The following STAT3 variants were observed in gnomAD, a reference collection of about 807,000 sequenced individuals.
The protein encoded by STAT3 is DNA-binding protein APRF.
Under a neutral mutation model 114.3 loss-of-function variants are expected in STAT3, and 7 were observed. The observed-to-expected ratio is 0.06, with a 90% CI of 0.03 to 0.11. The LOEUF is 0.11. Among genes scored for constraint, STAT3 ranks in the 10% least tolerant of loss-of-function variants. The probability of loss-of-function intolerance (pLI) is 1.00; values close to 1 mark genes in which losing one functional copy is unlikely to be tolerated. For missense variants in STAT3, 364 were observed against 960.9 expected, an observed-to-expected ratio of 0.38 and a Z score of 8.21; for synonymous variants, 331 against 354.5, an observed-to-expected ratio of 0.93 and a Z score of 0.74.
intron 22 of STAT3, 43 bp from the exon 23 acceptor site, chr17:42,316,944 A>G (rs757754586): frequency 1.9e-6 from 3 of 1,596,040 alleles, no homozygotes; most frequent in South Asian, 2.2e-5. Flanking sequence ...CGGGGGGTTG[A>G]CAAGACACAA....
Position 42,316,826 on chromosome 17 carries a change from A to G in STAT3, c.2220T>C (p.Asn740=), listed in dbSNP as rs747460012. The change falls in exon 23 of 24, where the codon AAT becomes AAC. Residue 740 remains asparagine (N), a synonymous_variant. Coordinates refer to ENST00000264657, the MANE Select transcript of STAT3 (RefSeq NM_139276.3). Reference sequence around the variant, plus strand: ...CTGCTGAGGGTTCAGCACCTTCACCATTATTTCCAAACTGCATCAATGAAT... The same window carrying G: ...CTGCTGAGGGTTCAGCACCTTCACCGTTATTTCCAAACTGCATCAATGAAT... ...TLDSLMQFGN[N]GEGAEPSAGG... The G allele has an allele frequency of 6.2e-7, 1 of 1,613,650 alleles. No homozygotes were observed. Among genetic ancestry groups the G allele is most frequent in the Admixed American group, 1.7e-5 (1 of 59,984 alleles).
Position 42,338,762 on chromosome 17 carries a change from A to AC in STAT3, c.518_519insG (p.Asp173GlufsTer5). 1 of 1,613,940 alleles carries AC rather than the reference A, an allele frequency of 6.2e-7. No homozygotes were observed. Among genetic ancestry groups the AC allele is most frequent in the Non-Finnish European group, 8.5e-7 (1 of 1,179,966 alleles). The stretch of plus-strand genomic sequence containing the variant: ...GACTCTTGAGGGTTTTATAGTTGAA[A>AC]TCAAAGTCATCCTGGAGATTCTCTA... On this transcript the variant is annotated frameshift_variant, in exon 6 of 24. Coordinates refer to ENST00000264657, the MANE Select transcript of STAT3 (RefSeq NM_139276.3). LOFTEE classifies it high-confidence loss of function.
intron 10 of STAT3, 83 bp from the exon 11 acceptor site, chr17:42,331,614 T>C: frequency 8.5e-7 from 1 of 1,181,182 alleles, no homozygotes; most frequent in East Asian, 2.4e-5. Context: ...AATTCATAAT[T>C]CTTCATTTCC....
rs1488840508 is a variant in STAT3, at chr17:42,314,601, G to GT, written c.*1143dup. 2 of 231,844 alleles carry GT rather than the reference G, an allele frequency of 8.6e-6. No individual in the cohort carries two copies. Among genetic ancestry groups the GT allele is most frequent in the African/African-American group, 4.4e-5 (2 of 45,204 alleles). 14.4% of individuals were successfully genotyped at this position (231,844 alleles called of 1,614,324 possible). On this transcript the variant is annotated 3_prime_UTR_variant, in exon 24 of 24. Transcript: ENST00000264657. ...TCCAGGGAGAAAGGGAGTCAAGGTT[G>GT]TAAGCACCCTCTGCCCAGCCTTACT...
chr17:42,346,863 G>T (rs61523152), intron 2 of STAT3, 150 bp from the exon 3 acceptor site: 1 of 1,075,246 alleles, frequency 9.3e-7, no homozygotes, highest in Non-Finnish European at 1.4e-6. Flanking sequence ...TTCTTGCTCA[G>T]CAATAAAATG....
chr17:42,380,797 CAGCT>C (rs1409026266), intron 1 of STAT3, among the ~76,000 whole-genome samples: 2 of 152,166 alleles, frequency 1.3e-5, no homozygotes, highest in African/African-American at 2.4e-5. Context: ...CCTGTAGCCC[CAGCT>C]ACCCCGAAGG....
chr17:42,353,734 A>C (rs1294816358), intron 1 of STAT3, among the ~76,000 whole-genome samples: 1 of 152,124 alleles, frequency 6.6e-6, no homozygotes, highest in East Asian at 1.9e-4. Flanking sequence ...CACAATGTTC[A>C]GCTAATTTTT....
chr17:42,366,524 A>T (rs2083799301), intron 1 of STAT3, among the ~76,000 whole-genome samples: 1 of 152,072 alleles, frequency 6.6e-6, no homozygotes, highest in Non-Finnish European at 1.5e-5. Flanking sequence ...TACAAAAATT[A>T]GCCGGATATA....
intron 1 of STAT3, chr17:42,387,950 C>G: frequency 3.9e-6 from 1 of 258,640 alleles, no homozygotes; most frequent in Non-Finnish European, 7.3e-6. Flanking sequence ...GCCGGAACGT[C>G]CCCAGGGCCC....
intron 4 of STAT3, among the ~76,000 whole-genome samples, chr17:42,344,380 C>T (rs2082595430): frequency 6.7e-6 from 1 of 149,768 alleles, no homozygotes; most frequent in South Asian, 2.1e-4. Context: ...TGAGATCACG[C>T]CACTGCACTC....
intron 1 of STAT3, among the ~76,000 whole-genome samples, chr17:42,372,213 T>C (rs566095567): frequency 7.9e-5 from 12 of 152,310 alleles, no homozygotes; most frequent in South Asian, 2.1e-4. Flanking sequence ...TTGCACTCCT[T>C]GATATTTATC....
Position 42,346,562 on chromosome 17 carries a change from A to G in STAT3, c.273+7T>C, listed in dbSNP as rs1284449172. The G allele has an allele frequency of 6.2e-7, 1 of 1,614,158 alleles. No homozygotes were observed. ...TGTTTCTCCTTGTCCTCAGTTTCTC[A>G]TCATACCTGAAGAAACTGCTTGATT... On this transcript the variant is annotated splice_region_variant and intron_variant, in intron 3 of 23. Transcript: ENST00000264657.
At position 42,323,065 on chromosome 17, in the gene STAT3, T is replaced by C; in HGVS notation, c.1827A>G (p.Arg609=). Residue 609 remains arginine (R), a synonymous_variant, in exon 20 of 24, where the codon AGA becomes AGG. Transcript: ENST00000264657. Reference sequence around the variant, plus strand: ...CTCCTTCTTTGCTGCTTTCACTGAATCTTAGCAGGAAGGTGCCTGGAGGCT... The same window carrying C: ...CTCCTTCTTTGCTGCTTTCACTGAACCTTAGCAGGAAGGTGCCTGGAGGCT... The part of the protein sequence containing the change: ...STKPPGTFLL[R]FSESSKEGGV... 6.2e-7 allele frequency: 1 copy of C among 1,614,178 alleles called. No individual in the cohort carries two copies. Among genetic ancestry groups the C allele is most frequent in the Non-Finnish European group, 8.5e-7 (1 of 1,180,026 alleles).
chr17:42,323,673 A>G, intron 17 of STAT3, 48 bp from the exon 18 acceptor site: 1 of 1,581,538 alleles, frequency 6.3e-7, no homozygotes, highest in Non-Finnish European at 8.7e-7. Flanking sequence ...GCTTGGGGTC[A>G]AGAGGTTATT....
intron 4 of STAT3, among the ~76,000 whole-genome samples, chr17:42,343,087 G>A (rs1226832058): frequency 6.7e-6 from 1 of 149,852 alleles, no homozygotes; most frequent in African/African-American, 2.5e-5. Context: ...CAGGAGGATC[G>A]CTAGGGCCCA....
chr17:42,388,206 A>C, intron 1 of STAT3, 73 bp downstream of exon 1: 1 of 1,228,046 alleles, frequency 8.1e-7, no homozygotes, highest in Non-Finnish European at 1.0e-6. Context: ...CCAAGGTCCC[A>C]GAGGCCCCCT....
At chr17:42,325,222 G>T (rs1042434235) in intron 15 of STAT3, 161 bp from the exon 16 acceptor site, 1 of 657,436 alleles carries the variant, frequency 1.5e-6, no homozygotes. Context: ...AGCTCAGTGA[G>T]CACTCATAGT....
chr17:42,325,943 C>T (rs1046719156), intron 15 of STAT3, among the ~76,000 whole-genome samples, 173 bp downstream of exon 15: 1 of 152,214 alleles, frequency 6.6e-6, no homozygotes, highest in Admixed American at 6.5e-5. Flanking sequence ...TCAAGCAAGA[C>T]TTTATTGCCA....
intron 1 of STAT3, among the ~76,000 whole-genome samples, chr17:42,370,195 G>T (rs992898743): frequency 6.7e-6 from 1 of 149,848 alleles, no homozygotes; most frequent in South Asian, 2.1e-4. Context: ...CAAGTGATCC[G>T]CCCACCTTGG....
Sources: allele counts gnomAD v4.1 joint callset (sites outside exome capture counted in the v4.1 genomes callset), GRCh38; gene constraint gnomAD v4.1.1; transcripts MANE v1.5; gene names NCBI Gene and HGNC (gene_info 2026-07-23, HGNC 2026-07-21).